NAV3: variants seen among roughly 807,000 people sequenced by gnomAD.
The protein encoded by NAV3 is pore membrane and/or filament interacting like protein 1.
NAV3 carries 87 observed loss-of-function variants against 244.7 expected under a neutral mutation model. The ratio of observed to expected loss-of-function variants is 0.36; its 90% CI spans 0.30 to 0.42. NAV3 has a LOEUF of 0.42. Ranked by LOEUF, NAV3 falls within the 20% of genes least tolerant of loss-of-function variation. The pLI, the probability that NAV3 is intolerant of heterozygous loss-of-function variation, is 1.00. For synonymous variants in NAV3, 1,126 were observed against 1,042.2 expected (o/e 1.08, Z -1.55); for missense variants, 2,663 against 2,893.3 (o/e 0.92, Z 1.83).
chr12:77,962,613 C>T (rs1892127581), intron 3 of NAV3, among the ~76,000 whole-genome samples: 1 of 152,108 alleles, frequency 6.6e-6, no homozygotes, highest in South Asian at 2.1e-4. Flanking sequence ...GAATATGCCC[C>T]GTACTGCATA....
At chr12:77,817,242 C>G (rs967140645) in intron 2 of NAV3, among the ~76,000 whole-genome samples, 1 of 152,152 alleles carries the variant, frequency 6.6e-6, no homozygotes, top group South Asian at 2.1e-4. Flanking sequence ...AGCAAGCAAG[C>G]TTTAAGGCTT....
At chr12:78,041,071 A>T (rs914368739) in intron 9 of NAV3, among the ~76,000 whole-genome samples, 1 of 152,186 alleles carries the variant, frequency 6.6e-6, no homozygotes, top group African/African-American at 2.4e-5. Context: ...TATGGGAAGA[A>T]TTTCCAGGAA....
At chr12:77,720,833 C>G (rs962883245) in intron 2 of NAV3, among the ~76,000 whole-genome samples, 1 of 152,092 alleles carries the variant, frequency 6.6e-6, no homozygotes, top group African/African-American at 2.4e-5. Context: ...TGTCCATGTA[C>G]TATTGTCCAT....
chr12:77,810,977 TG>T (rs1872259595), intron 2 of NAV3, among the ~76,000 whole-genome samples: 1 of 152,224 alleles, frequency 6.6e-6, no homozygotes, highest in Admixed American at 6.5e-5. Flanking sequence ...ATGTGACTAC[TG>T]GTAACAAATA....
chr12:77,909,737 TATA>T lies in NAV3; in HGVS notation c.244-30575_244-30573del, dbSNP rs530541487. On this transcript the variant is annotated intron_variant, in intron 1 of 39. Transcript: ENST00000397909. The stretch of plus-strand genomic sequence containing the variant: ...TTCTTCATGGATGCTTTATATAAAA[TATA>T]ATAATATCAATTTTTATGACTATTA... 1.6e-3 allele frequency among the ~76,000 whole-genome samples: 241 copies of T among 152,212 alleles called. 1 individual carries two copies. The highest frequency in any genetic ancestry group is 5.3e-3 in the African/African-American group (222 of 41,574).
rs2136870717 is a variant in NAV3, at chr12:77,621,316, C to T, written c.72+49050C>T. ...GACTCTAACATATGTAGAAGCAATG[C>T]CCTCCTACCCATCAAAGTTCTCGAC... is the stretch of plus-strand genomic sequence containing the variant. On this transcript the variant is annotated intron_variant, in intron 2 of 8. Transcript: ENST00000550042. 1.3e-5 allele frequency among the ~76,000 whole-genome samples: 2 copies of T among 152,216 alleles called. 1 individual carries two copies. Among genetic ancestry groups the T allele is most frequent in the Middle Eastern group, 6.8e-3 (2 of 294 alleles).
At chr12:78,092,399 G>T (rs991813488) in intron 12 of NAV3, among the ~76,000 whole-genome samples, 1 of 149,510 alleles carries the variant, frequency 6.7e-6, no homozygotes, top group South Asian at 2.1e-4. Flanking sequence ...TAAAATAATA[G>T]ATCTTTAAAC....
At chr12:77,679,261 CT>C (rs1468136120) in intron 2 of NAV3, among the ~76,000 whole-genome samples, 1 of 151,992 alleles carries the variant, frequency 6.6e-6, no homozygotes, top group Non-Finnish European at 1.5e-5. Flanking sequence ...TACTAGGGCA[CT>C]AACAGGTTAT....
rs770963666 is a variant in NAV3 at position 78,180,960 on chromosome 12, C to T, written c.5607C>T (p.Ser1869=). 15 of 1,613,100 alleles carry T rather than the reference C, an allele frequency of 9.3e-6. No homozygotes were observed. In the South Asian group the frequency reaches 1.5e-4, roughly 17 times the overall value. Residue 1869 remains serine (S), a synonymous_variant, in exon 30 of 40, where the codon TCC becomes TCT. Transcript: ENST00000397909. ...TAKPTRPPSE[S]SSSTSSSSSR... Reference sequence around the variant, plus strand: ...AGCCTACTCGGCCACCGTCAGAATCCTCAAGCAGCACCTCCTCTTCATCTT... The same window carrying T: ...AGCCTACTCGGCCACCGTCAGAATCTTCAAGCAGCACCTCCTCTTCATCTT...
intron 3 of NAV3, among the ~76,000 whole-genome samples, chr12:77,953,616 C>T (rs1891099284): frequency 6.6e-6 from 1 of 152,152 alleles, no homozygotes; most frequent in Non-Finnish European, 1.5e-5. Context: ...GTCCCCTATT[C>T]CTCTCCCTAT....
In NAV3 at chr12:77,680,599, A is replaced by C. The variant is rs148182368; in HGVS notation, c.72+108333A>C. Among the ~76,000 whole-genome samples the C allele has an allele frequency of 9.7e-3, 1,476 of 152,320 alleles. 24 individuals are homozygous for C. The highest frequency in any genetic ancestry group is 0.014 in the Non-Finnish European group (983 of 68,018). On this transcript the variant is annotated intron_variant, in intron 2 of 8. Coordinates refer to the NAV3 transcript ENST00000550042. Reference sequence around the variant, plus strand: ...TAAGAAAGATGGTATTTTGTACTTCATTGCCAAATTCTTTTATCCTGTTTC... The same window carrying C: ...TAAGAAAGATGGTATTTTGTACTTCCTTGCCAAATTCTTTTATCCTGTTTC...
chr12:77,579,434 G>T (rs1348675195), intron 2 of NAV3, among the ~76,000 whole-genome samples: 1 of 152,228 alleles, frequency 6.6e-6, no homozygotes, highest in Non-Finnish European at 1.5e-5. Context: ...ATGCTGGCAA[G>T]TCCAGTGCTG....
At chr12:78,022,149 T>C (rs766629232) in intron 9 of NAV3, among the ~76,000 whole-genome samples, 3 of 152,110 alleles carry the variant, frequency 2.0e-5, no homozygotes, top group African/African-American at 2.4e-5. Flanking sequence ...CATTTGGAGA[T>C]TGAAAATAAA....
chr12:77,925,208 T>C (rs1465419066), intron 1 of NAV3, among the ~76,000 whole-genome samples: 6 of 152,190 alleles, frequency 3.9e-5, no homozygotes, highest in Non-Finnish European at 8.8e-5. Flanking sequence ...TTTTAGACCA[T>C]ATTTCACATA....
intron 2 of NAV3, among the ~76,000 whole-genome samples, chr12:77,790,125 C>T (rs1018347740): frequency 6.6e-6 from 1 of 152,210 alleles, no homozygotes; most frequent in Non-Finnish European, 1.5e-5. Flanking sequence ...TCTTACACTA[C>T]CAGTGATAAG....
intron 2 of NAV3, among the ~76,000 whole-genome samples, chr12:77,578,915 G>A (rs1268067591): frequency 1.4e-5 from 2 of 146,562 alleles, no homozygotes. Context: ...AAAAAAAAAA[G>A]ACACAATTAG....
At chr12:77,969,142 A>ATGTGTGTG (rs3078729) in intron 5 of NAV3, among the ~76,000 whole-genome samples, 1,535 of 147,784 alleles carry the variant, frequency 0.01, 17 homozygotes, top group African/African-American at 0.036. Flanking sequence ...AGTGTTTTTG[A>ATGTGTGTG]TGTGTGTGTG....
intron 2 of NAV3, among the ~76,000 whole-genome samples, chr12:77,760,581 G>A (rs570783189): frequency 2.0e-5 from 3 of 152,178 alleles, no homozygotes; most frequent in African/African-American, 4.8e-5. Context: ...AGCCATCATT[G>A]TGAAGAAGTT....
intron 2 of NAV3, among the ~76,000 whole-genome samples, chr12:77,719,773 T>C (rs1054362110): frequency 6.6e-6 from 1 of 152,164 alleles, no homozygotes; most frequent in Non-Finnish European, 1.5e-5. Flanking sequence ...GTAATGTCTT[T>C]GTCTAGCCTT....
Sources: gnomAD v4.1 joint callset for allele counts (sites outside exome capture counted in the v4.1 genomes callset) on GRCh38, gnomAD v4.1.1 for gene constraint, MANE v1.5 for transcripts, NCBI Gene and HGNC (gene_info 2026-07-23, HGNC 2026-07-21) for gene names.